The following NBEAL1 variants were observed in gnomAD, a reference collection of about 807,000 sequenced individuals.
NBEAL1 encodes neurobeachin like 1.
In NBEAL1, 273 loss-of-function variants were observed where a neutral mutation model predicts 351.3. That is an observed-to-expected ratio of 0.78 (90% CI 0.70 to 0.86). The LOEUF (loss-of-function observed/expected upper bound fraction) is 0.86, where lower values mean the gene tolerates loss of function less well. Among genes scored for constraint, NBEAL1 ranks in the 40% least tolerant of loss-of-function variants. NBEAL1 has a pLI of 0.00. For synonymous variants in NBEAL1, 1,050 were observed against 1,086.4 expected, an observed-to-expected ratio of 0.97 and a Z score of 0.66; for missense variants, 2,961 against 3,201.3, an observed-to-expected ratio of 0.92 and a Z score of 1.81.
chr2:203,153,165 C>T (rs1358064056), intron 35 of NBEAL1, among the ~76,000 whole-genome samples: 2 of 152,116 alleles, frequency 1.3e-5, no homozygotes, highest in African/African-American at 4.8e-5. Context: ...CTGGGACTCT[C>T]TCTGTTGACC....
chr2:203,218,037 C>G lies in NBEAL1; in HGVS notation c.*683C>G. ...GTATTTCCTTAATAATATAATTAAG[C>G]AAAAGTGCTAATTGTGATTTTGACA... On this transcript the variant is annotated 3_prime_UTR_variant, in exon 56 of 56. Transcript: ENST00000683969. 1 of 687,802 alleles carries G rather than the reference C, an allele frequency of 1.5e-6. No individual in the cohort carries two copies. Among genetic ancestry groups the G allele is most frequent in the Non-Finnish European group, 1.8e-6 (1 of 558,634 alleles). 42.6% of individuals were successfully genotyped at this position (687,802 alleles called of 1,614,324 possible).
chr2:203,220,407 C>G lies in NBEAL1; in HGVS notation c.*3053C>G, dbSNP rs2065941739. ...GCTGAGGCAGGAGAATCGCTTGAAC[C>G]CAGGAGGCAGAGGTTGCAGTGAGCC... On this transcript the variant is annotated 3_prime_UTR_variant, in exon 56 of 56. Transcript: ENST00000683969. 6.6e-6 allele frequency among the ~76,000 whole-genome samples: 1 copy of G among 151,932 alleles called. No homozygotes were observed. The highest frequency in any genetic ancestry group is 6.6e-5 in the Admixed American group (1 of 15,248).
At chr2:203,190,189 C>G in intron 45 of NBEAL1, 103 bp from the exon 46 acceptor site, 1 of 608,732 alleles carries the variant, frequency 1.6e-6, no homozygotes, top group South Asian at 1.9e-5. Flanking sequence ...CACACACACA[C>G]ACACACACAC....
intron 36 of NBEAL1, among the ~76,000 whole-genome samples, chr2:203,163,128 G>A (rs1356323514): frequency 1.3e-5 from 2 of 152,220 alleles, no homozygotes; most frequent in African/African-American, 4.8e-5. Flanking sequence ...CTGCACTCCA[G>A]CCTGTGTGAC....
chr2:203,043,824 G>C (rs1445294456), intron 3 of NBEAL1, among the ~76,000 whole-genome samples: 1 of 151,990 alleles, frequency 6.6e-6, no homozygotes, highest in Non-Finnish European at 1.5e-5. Flanking sequence ...TCTTCAAGGA[G>C]GAAAAGTGTT....
At position 203,138,742 on chromosome 2, in the gene NBEAL1, T is replaced by C; in HGVS notation, c.4842T>C (p.Asn1614=). 6.2e-7 allele frequency: 1 copy of C among 1,610,618 alleles called. No individual in the cohort carries two copies. Among genetic ancestry groups the C allele is most frequent in the Non-Finnish European group, 8.5e-7 (1 of 1,179,066 alleles). The change falls in exon 31 of 56, where the codon AAT becomes AAC. Residue 1614 remains asparagine (N), a synonymous_variant. Transcript: ENST00000683969. ...QLLLGFIGRG[N]LQVCAMASAK... The stretch of plus-strand genomic sequence containing the variant: ...TTCTAGGATTCATTGGAAGGGGTAA[T>C]TTGCAGGTTTGTCCATTCTTTTATA...
intron 8 of NBEAL1, among the ~76,000 whole-genome samples, chr2:203,079,776 A>C (rs894494444): frequency 1.4e-4 from 21 of 152,130 alleles, no homozygotes; most frequent in African/African-American, 4.3e-4. Flanking sequence ...TTACCTTATT[A>C]TTTTTGGCAT....
In NBEAL1 at chr2:203,217,435, C is replaced by A; in HGVS notation, c.*81C>A. 7.2e-7 allele frequency: 1 copy of A among 1,390,366 alleles called. No individual in the cohort carries two copies. The highest frequency in any genetic ancestry group is 9.4e-7 in the Non-Finnish European group (1 of 1,064,720). The allele number at this position is 1,390,366 out of a possible 1,614,324, so 86.1% of individuals were successfully genotyped here. On this transcript the variant is annotated 3_prime_UTR_variant, in exon 56 of 56. Coordinates refer to ENST00000683969, the MANE Select transcript of NBEAL1 (RefSeq NM_001378026.1). ...TTTAACCACATCTCTCAACTCTCTG[C>A]AATGTTGCAAGGCTTTTATCCCTGA...
chr2:203,121,690 A>G (rs2062836165), intron 18 of NBEAL1, among the ~76,000 whole-genome samples: 1 of 151,500 alleles, frequency 6.6e-6, no homozygotes. Flanking sequence ...GCTGGCGAAC[A>G]AGTTCTGCCT....
At chr2:203,029,935 C>A (rs998968237) in intron 2 of NBEAL1, among the ~76,000 whole-genome samples, 36 of 152,134 alleles carry the variant, frequency 2.4e-4, no homozygotes, top group African/African-American at 8.2e-4. Context: ...GCTTTTCCAG[C>A]TAGAATCAGT....
At chr2:203,068,198 AAAAT>A (rs1479161738) in intron 6 of NBEAL1, among the ~76,000 whole-genome samples, 191 bp from the exon 7 acceptor site, 1 of 152,212 alleles carries the variant, frequency 6.6e-6, no homozygotes, top group Non-Finnish European at 1.5e-5. Flanking sequence ...ATAATTCAAA[AAAAT>A]AAATCTGTTA....
intron 31 of NBEAL1, among the ~76,000 whole-genome samples, chr2:203,141,360 ATTATTATTTTTTTTTTT>A (rs2063366608): frequency 1.5e-4 from 2 of 13,636 alleles, no homozygotes; most frequent in African/African-American, 1.9e-4. Context: ...TATTATTATT[ATTATTATTTTTTTTTTT>A]TTTTTTTTTT....
chr2:203,047,423 T>A lies in NBEAL1; in HGVS notation c.144-2391T>A, dbSNP rs78698258. 1.4e-3 allele frequency among the ~76,000 whole-genome samples: 212 copies of A among 152,346 alleles called. 2 individuals carry two copies. Among genetic ancestry groups the A allele is most frequent in the African/African-American group, 5.0e-3 (209 of 41,576 alleles). On this transcript the variant is annotated intron_variant, in intron 3 of 55. Coordinates refer to ENST00000683969, the MANE Select transcript of NBEAL1 (RefSeq NM_001378026.1). ...ATTAAATATTGATAGAACATACTACTTGTATGATAACTTCCATTTTTTAGA... is the reference window on the plus strand; with the variant it reads ...ATTAAATATTGATAGAACATACTACATGTATGATAACTTCCATTTTTTAGA...
At chr2:203,122,925 C>T (rs1259311841) in intron 19 of NBEAL1, among the ~76,000 whole-genome samples, 1 of 151,964 alleles carries the variant, frequency 6.6e-6, no homozygotes, top group East Asian at 1.9e-4. Flanking sequence ...GGTTATGCAA[C>T]AAATAAGTGT....
chr2:203,096,942 C>A (rs912060714), intron 10 of NBEAL1, among the ~76,000 whole-genome samples: 1 of 152,028 alleles, frequency 6.6e-6, no homozygotes, highest in African/African-American at 2.4e-5. Flanking sequence ...GTGTATTAGT[C>A]CATTTTCATG....
chr2:203,165,573 C>T (rs2064107918), intron 36 of NBEAL1, among the ~76,000 whole-genome samples: 1 of 152,068 alleles, frequency 6.6e-6, no homozygotes, highest in Admixed American at 6.6e-5. Context: ...TTTACAGGTT[C>T]ACTGTGTTTT....
intron 55 of NBEAL1, 171 bp downstream of exon 55, chr2:203,213,824 A>G: frequency 3.1e-6 from 3 of 978,710 alleles, no homozygotes; most frequent in Non-Finnish European, 3.6e-6. Context: ...TTCAAGAATC[A>G]TGTTTATGTT....
At chr2:203,196,107 T>C (rs1195183011) in intron 47 of NBEAL1, among the ~76,000 whole-genome samples, 1 of 152,222 alleles carries the variant, frequency 6.6e-6, no homozygotes. Context: ...AAGACCCTAT[T>C]TGACCCATAA....
chr2:203,111,810 T>C (rs1019834490), intron 15 of NBEAL1, among the ~76,000 whole-genome samples, 169 bp from the exon 16 acceptor site: 1 of 152,248 alleles, frequency 6.6e-6, no homozygotes, highest in African/African-American at 2.4e-5. Flanking sequence ...TTACGTGCTT[T>C]TGTACTACTA....
Sources: allele counts gnomAD v4.1 joint callset (sites outside exome capture counted in the v4.1 genomes callset), GRCh38; gene constraint gnomAD v4.1.1; transcripts MANE v1.5; gene names NCBI Gene and HGNC (gene_info 2026-07-23, HGNC 2026-07-21).